RENBP: variants seen among roughly 807,000 people sequenced by gnomAD.
RENBP encodes renin binding protein.
A neutral mutation model predicts 37.8 loss-of-function variants in RENBP; 16 were observed. The ratio of observed to expected loss-of-function variants is 0.42; its 90% CI spans 0.29 to 0.64. The LOEUF is 0.64. Among genes scored for constraint, RENBP ranks in the 30% least tolerant of loss-of-function variants. RENBP has a pLI of 0.19. For synonymous variants in RENBP, 170 were observed against 154.8 expected (o/e 1.10, Z -0.73); for missense variants, 347 against 379.5 (o/e 0.91, Z 0.71).
chrX:153,935,473 C>T lies in RENBP; in HGVS notation c.1165+16G>A. ...AGAGGCGCAACCCCTGCGGCCCCGC[C>T]CTCTCCCCCACTCACCTTTGAAAGG... On this transcript the variant is annotated intron_variant, in intron 10 of 10. Transcript: ENST00000393700. 8.4e-7 allele frequency: 1 copy of T among 1,191,773 alleles called. No individual in the cohort carries two copies.
In RENBP at chrX:153,944,373, C is replaced by T. The variant is rs782587483; in HGVS notation, c.73G>A (p.Val25Met). ...ACCACGCGGTCCAGCTCCTGCCCCA[C>T]GCGCTCCTTCCAGGCCTGCAGAGTC... ...RETLQAWKER[V>M]GQELDRVVAF... Residue 25 changes from valine to methionine, a missense_variant, in exon 2 of 11, where the codon GTG becomes ATG. By Grantham distance (21) the Val-to-Met change is conservative. Transcript: ENST00000393700. 3.1e-5 allele frequency: 37 copies of T among 1,210,062 alleles called. No homozygotes were observed. The highest frequency in any genetic ancestry group is 2.4e-4 in the Admixed American group (11 of 45,930).
At chrX:153,937,467 C>T (rs2065208474) in intron 9 of RENBP, among the ~76,000 whole-genome samples, 1 of 109,616 alleles carries the variant, frequency 9.1e-6, no homozygotes, top group African/African-American at 3.3e-5. Flanking sequence ...GACGGAGTTT[C>T]GCTCTTGTCA....
At chrX:153,944,045 C>T (rs1332843694) in intron 3 of RENBP, 35 bp downstream of exon 3, 18 of 1,204,393 alleles carry the variant, frequency 1.5e-5, no homozygotes, top group Non-Finnish European at 1.9e-5. Flanking sequence ...GGCGATGGGC[C>T]GTGTGCCTGA....
chrX:153,944,507 C>T, intron 1 of RENBP, 77 bp downstream of exon 1: 1 of 1,167,758 alleles, frequency 8.6e-7, no homozygotes, highest in South Asian at 1.8e-5. Flanking sequence ...ATCTCCCCAC[C>T]TCTGCACGGG....
chrX:153,942,216 C>T, intron 6 of RENBP, 185 bp from the exon 7 acceptor site: 1 of 329,202 alleles, frequency 3.0e-6, no homozygotes, highest in East Asian at 4.9e-5. Context: ...CTCCCTTGGG[C>T]CTAGCAAGTT....
Position 153,943,552 on chromosome X carries a change from C to T in RENBP, c.456G>A (p.Arg152=). The T allele has an allele frequency of 8.3e-7, 1 of 1,207,176 alleles. No homozygotes were observed. The highest frequency in any genetic ancestry group is 1.1e-6 in the Non-Finnish European group (1 of 892,348). ...NELWRATGEV[R]YQTEAVEMMD... Reference sequence around the variant, plus strand: ...GCACCCTCCTCTCACACACCTGGTACCGCACTTCCCCTGTGGCTCTCCACA... The same window carrying T: ...GCACCCTCCTCTCACACACCTGGTATCGCACTTCCCCTGTGGCTCTCCACA... The change falls in exon 5 of 11, where the codon CGG becomes CGA. Residue 152 remains arginine (R), a synonymous_variant. Coordinates refer to ENST00000393700, the MANE Select transcript of RENBP (RefSeq NM_002910.6).
At chrX:153,941,821 G>T in intron 7 of RENBP, 129 bp downstream of exon 7, 1 of 757,999 alleles carries the variant, frequency 1.3e-6, no homozygotes, top group South Asian at 2.3e-5. Flanking sequence ...CCCCAGCCTT[G>T]GGAAGCCCAT....
Position 153,943,701 on chromosome X carries a change from G to A in RENBP, c.307C>T (p.Arg103Trp), listed in dbSNP as rs375061782. ...AAKAGGEFLL[R>W]YARVAPPGKK... ...CCAGGAGGTGCCACCCGGGCATACC[G>A]CAGCAAGAACTCACCACCTGGAGGT... Residue 103 changes from arginine to tryptophan, a missense_variant, in exon 5 of 11, where the codon CGG (arginine) becomes TGG (tryptophan). Arg to Trp is a moderately radical substitution (Grantham distance 101). Around this residue, in one of 3 missense-constraint regions of RENBP, gnomAD observed 244 missense variants for 279.4 expected, o/e 0.87. Transcript: ENST00000393700. 5 of 1,209,898 alleles carry A rather than the reference G, an allele frequency of 4.1e-6. No individual in the cohort carries two copies. The highest frequency in any genetic ancestry group is 1.8e-5 in the South Asian group (1 of 56,752).
intron 6 of RENBP, 177 bp downstream of exon 6, chrX:153,942,675 CCTT>C (rs1347631788): frequency 1.3e-5 from 6 of 451,830 alleles, no homozygotes; most frequent in Admixed American, 3.9e-5. Flanking sequence ...GGAGGGGTCT[CCTT>C]CTGTCAGGGC....
intron 9 of RENBP, chrX:153,935,949 G>A (rs782347869): frequency 6.5e-5 from 14 of 214,475 alleles, no homozygotes; most frequent in South Asian, 1.3e-4. Flanking sequence ...GGACAACATG[G>A]TGAAACCTCA....
intron 6 of RENBP, 71 bp downstream of exon 6, chrX:153,942,784 G>T: frequency 2.3e-6 from 2 of 875,265 alleles, no homozygotes; most frequent in Non-Finnish European, 3.4e-6. Flanking sequence ...GGTGTGTCGA[G>T]CCCCAGGGTG....
chrX:153,941,135 A>C (rs2065224234), intron 8 of RENBP, among the ~76,000 whole-genome samples: 1 of 37,404 alleles, frequency 2.7e-5, no homozygotes, highest in African/African-American at 1.0e-4. Context: ...GCAAAACTCC[A>C]CCTCAAAAAA....
intron 4 of RENBP, 55 bp downstream of exon 4, chrX:153,943,840 T>G: frequency 8.6e-7 from 1 of 1,169,052 alleles, no homozygotes; most frequent in African/African-American, 1.8e-5. Flanking sequence ...ACATGTGCCC[T>G]GTTGAGTAAA....
intron 5 of RENBP, 155 bp downstream of exon 5, chrX:153,943,391 C>T (rs958585827): frequency 5.1e-5 from 29 of 568,935 alleles, no homozygotes; most frequent in Non-Finnish European, 7.5e-5. Context: ...TCTCCGTCTG[C>T]GCCCCTGTGG....
chrX:153,941,712 C>A (rs1329185936), intron 7 of RENBP, 59 bp from the exon 8 acceptor site: 1 of 759,536 alleles, frequency 1.3e-6, no homozygotes, highest in Non-Finnish European at 1.9e-6. Context: ...AGGGAGGGAA[C>A]AGAGGGAGCA....
intron 9 of RENBP, among the ~76,000 whole-genome samples, chrX:153,939,661 A>G (rs1321113848): frequency 5.4e-5 from 6 of 111,089 alleles, no homozygotes; most frequent in Non-Finnish European, 1.1e-4. Context: ...AGGCAGCTGG[A>G]GTCCGTCCCT....
rs1557109828 is a variant in RENBP at position 153,942,928 on chromosome X, G to A, written c.614C>T (p.Ala205Val). The change falls in exon 6 of 11, where the codon GCA becomes GTA. Residue 205 changes from alanine to valine, a missense_variant. Physicochemically the swap from Ala to Val is moderately conservative, Grantham distance 64. Around this residue, in one of 3 missense-constraint regions of RENBP, gnomAD observed 244 missense variants for 279.4 expected, o/e 0.87. Coordinates refer to ENST00000393700, the MANE Select transcript of RENBP (RefSeq NM_002910.6). The part of the protein sequence containing the change: ...LLNLVEQLGE[A>V]DEELAGKYAE... ...GTATTTGCCCGCCAGCTCCTCATCT[G>A]CCTCCCCGAGCTGCTCCACCAGGTT... The A allele has an allele frequency of 5.8e-6, 7 of 1,210,897 alleles. No homozygotes were observed. Among genetic ancestry groups the A allele is most frequent in the Non-Finnish European group, 6.7e-6 (6 of 895,106 alleles).
At chrX:153,943,827 C>A in intron 4 of RENBP, 68 bp downstream of exon 4, 3 of 1,169,056 alleles carry the variant, frequency 2.6e-6, no homozygotes, top group Non-Finnish European at 3.5e-6. Flanking sequence ...CTAGGAACTC[C>A]GCACATGTGC....
chrX:153,944,558 C>T, intron 1 of RENBP, 26 bp downstream of exon 1: 1 of 1,170,585 alleles, frequency 8.5e-7, no homozygotes, highest in Admixed American at 2.5e-5. Flanking sequence ...CAAGACAGCA[C>T]TCCCCCCAAG....
Sources: gnomAD v4.1 joint callset for allele counts (sites outside exome capture counted in the v4.1 genomes callset) on GRCh38, gnomAD v4.1.1 for gene constraint, gnomAD v4.1.1 regional missense constraint, MANE v1.5 for transcripts, NCBI Gene and HGNC (gene_info 2026-07-23, HGNC 2026-07-21) for gene names.